Variants in SLC4A10 observed in about 807,000 individuals in gnomAD.
SLC4A10 encodes the protein solute carrier family 4 member 10.
In SLC4A10, 42 loss-of-function variants were observed where a neutral mutation model predicts 137.7. That is an observed-to-expected ratio of 0.30 (90% CI 0.24 to 0.39). SLC4A10 has a LOEUF of 0.39. Ranked by LOEUF, SLC4A10 falls within the 10% of genes least tolerant of loss-of-function variation. The pLI, the probability that SLC4A10 is intolerant of heterozygous loss-of-function variation, is 1.00. For missense variants in SLC4A10, 925 were observed against 1,355.0 expected (o/e 0.68, Z 4.98); for synonymous variants, 474 against 464.1 (o/e 1.02, Z -0.27).
At chr2:161,651,796 A>G (rs1054400974) in intron 1 of SLC4A10, among the ~76,000 whole-genome samples, 15 of 149,906 alleles carry the variant, frequency 1.0e-4, no homozygotes, top group African/African-American at 3.7e-4. Flanking sequence ...TTACACACAC[A>G]TCCCTCCCTG....
chr2:161,799,246 C>A (rs182821631), intron 2 of SLC4A10, among the ~76,000 whole-genome samples: 1 of 151,610 alleles, frequency 6.6e-6, no homozygotes, highest in Non-Finnish European at 1.5e-5. Flanking sequence ...AAAAATTATT[C>A]TTTATATGTT....
intron 1 of SLC4A10, among the ~76,000 whole-genome samples, chr2:161,748,415 A>G (rs113033888): frequency 6.7e-6 from 1 of 149,800 alleles, no homozygotes; most frequent in Non-Finnish European, 1.5e-5. Context: ...TCTTACGTCT[A>G]TGTCTTAAGC....
chr2:161,834,660 TACACACACACACACACACAC>T (rs72327926), intron 3 of SLC4A10, among the ~76,000 whole-genome samples: 1 of 140,930 alleles, frequency 7.1e-6, no homozygotes, highest in African/African-American at 2.6e-5. Flanking sequence ...CTTTATCGCC[TACACACACACACACACACAC>T]ACACACACAC....
intron 1 of SLC4A10, among the ~76,000 whole-genome samples, chr2:161,712,701 A>G (rs1406252889): frequency 6.6e-6 from 1 of 151,860 alleles, no homozygotes; most frequent in Non-Finnish European, 1.5e-5. Flanking sequence ...AATTCTCAAT[A>G]AACTTCAAAG....
At chr2:161,646,199 G>C in intron 1 of SLC4A10, among the ~76,000 whole-genome samples, 1 of 152,026 alleles carries the variant, frequency 6.6e-6, no homozygotes, top group East Asian at 1.9e-4. Flanking sequence ...CATAGGGTCA[G>C]ATTCAGAATC....
chr2:161,800,888 A>G (rs977738373), intron 2 of SLC4A10, among the ~76,000 whole-genome samples: 9 of 152,204 alleles, frequency 5.9e-5, no homozygotes, highest in Admixed American at 4.6e-4. Context: ...AGGTCGCAGG[A>G]ACAAGAATGA....
chr2:161,661,784 TG>T (rs1318907296), intron 1 of SLC4A10, among the ~76,000 whole-genome samples: 2 of 152,198 alleles, frequency 1.3e-5, no homozygotes, highest in Non-Finnish European at 2.9e-5. Context: ...TAACATTATT[TG>T]TACAATCTTA....
At chr2:161,829,818 G>A (rs1232827882) in intron 3 of SLC4A10, among the ~76,000 whole-genome samples, 8 of 152,112 alleles carry the variant, frequency 5.3e-5, no homozygotes, top group African/African-American at 1.4e-4. Context: ...CAATCATGGC[G>A]GGAAGCAAAA....
At chr2:161,958,734 G>T (rs1236274686) in intron 21 of SLC4A10, among the ~76,000 whole-genome samples, 179 bp downstream of exon 21, 1 of 152,086 alleles carries the variant, frequency 6.6e-6, no homozygotes, top group Admixed American at 6.5e-5. Flanking sequence ...AGCATCTAAG[G>T]TTCATAATCT....
At chr2:161,760,095 T>C (rs2050097357) in intron 1 of SLC4A10, among the ~76,000 whole-genome samples, 1 of 152,018 alleles carries the variant, frequency 6.6e-6, no homozygotes, top group African/African-American at 2.4e-5. Flanking sequence ...GATTCCTGAA[T>C]CTGAGGATTC....
At chr2:161,819,549 C>T (rs972459474) in intron 3 of SLC4A10, among the ~76,000 whole-genome samples, 2 of 151,134 alleles carry the variant, frequency 1.3e-5, no homozygotes, top group African/African-American at 2.4e-5. Flanking sequence ...GGCTGCAGTG[C>T]TGTAGCACAG....
At chr2:161,628,315 A>G (rs953235099) in intron 1 of SLC4A10, among the ~76,000 whole-genome samples, 10 of 152,172 alleles carry the variant, frequency 6.6e-5, no homozygotes, top group Admixed American at 2.0e-4. Flanking sequence ...ATGTCTGAAA[A>G]AGGACTTAAG....
At chr2:161,957,359 G>T in intron 20 of SLC4A10, 119 bp downstream of exon 20, 2 of 1,152,518 alleles carry the variant, frequency 1.7e-6, no homozygotes, top group Non-Finnish European at 2.4e-6. Context: ...TGAAAGTGAT[G>T]AATTTCTGAA....
intron 1 of SLC4A10, among the ~76,000 whole-genome samples, chr2:161,691,600 C>A (rs748763989): frequency 6.6e-6 from 1 of 151,900 alleles, no homozygotes; most frequent in African/African-American, 2.4e-5. Context: ...CTACTGTGTA[C>A]CCACAAAAAT....
chr2:161,669,456 C>T (rs1396977288), intron 1 of SLC4A10, among the ~76,000 whole-genome samples: 1 of 151,814 alleles, frequency 6.6e-6, no homozygotes, highest in Non-Finnish European at 1.5e-5. Flanking sequence ...ATTGGACTGC[C>T]TCTTTTCAAG....
chr2:161,851,347 G>C (rs1225332706), intron 4 of SLC4A10, among the ~76,000 whole-genome samples: 1 of 152,126 alleles, frequency 6.6e-6, no homozygotes, highest in Non-Finnish European at 1.5e-5. Flanking sequence ...CATTATCTAA[G>C]TCTCTTCCTA....
rs922320638 is a variant in SLC4A10 at position 161,624,651 on chromosome 2, A to C, written c.48+85A>C. The C allele has an allele frequency of 1.9e-6, 3 of 1,539,654 alleles. No individual in the cohort carries two copies. The African/African-American group carries it at 4.1e-5, about 21-fold the overall frequency. ...AGCGGTCTGCTAGCTAGGTGCAGCG[A>C]GTGTACTTTTGGGGTGGTGGATAGC... is the stretch of plus-strand genomic sequence containing the variant. On this transcript the variant is annotated intron_variant, in intron 1 of 26. Transcript: ENST00000446997.
rs1375759363 is a variant in SLC4A10 at position 161,965,057 on chromosome 2, G to A, written c.3043G>A (p.Ala1015Thr). 1 of 1,611,196 alleles carries A rather than the reference G, an allele frequency of 6.2e-7. No homozygotes were observed. Among genetic ancestry groups the A allele is most frequent in the East Asian group, 2.2e-5 (1 of 44,726 alleles). The change falls in exon 23 of 27, where the codon GCC becomes ACC. Residue 1015 changes from alanine to threonine, a missense_variant. Transcript: ENST00000446997. ...AAIVFPMMVL[A>T]LVFVRKLMDL... ...AGTTTATTATTTACTTCAGGTGTTA[G>A]CCCTGGTATTTGTAAGAAAGTTGAT...
intron 2 of SLC4A10, among the ~76,000 whole-genome samples, chr2:161,772,913 G>A (rs1434237891): frequency 6.6e-6 from 1 of 151,806 alleles, no homozygotes; most frequent in East Asian, 1.9e-4. Flanking sequence ...TCAGGAAATA[G>A]TGAAAGAGTG....
Sources: allele counts gnomAD v4.1 joint callset (sites outside exome capture counted in the v4.1 genomes callset), GRCh38; gene constraint gnomAD v4.1.1; transcripts MANE v1.5; gene names NCBI Gene and HGNC (gene_info 2026-07-23, HGNC 2026-07-21).